Variants in WDPCP observed in about 807,000 individuals in gnomAD.
The protein encoded by WDPCP is WD repeat containing planar cell polarity effector, also known as WD repeat-containing and planar cell polarity effector protein fritz homolog.
WDPCP carries 71 observed loss-of-function variants against 93.1 expected under a neutral mutation model. The observed-to-expected ratio is 0.76, with a 90% CI of 0.63 to 0.93. WDPCP has a LOEUF of 0.93. WDPCP is among the 40% of genes least tolerant of loss of function. The pLI is 0.00. For synonymous variants in WDPCP, 315 were observed against 315.0 expected (o/e 1.00, Z 0.00); for missense variants, 844 against 887.4 (o/e 0.95, Z 0.62).
chr2:63,494,283 A>C (rs1701073761), intron 1 of WDPCP, among the ~76,000 whole-genome samples: 1 of 112,116 alleles, frequency 8.9e-6, no homozygotes, highest in South Asian at 3.4e-4. Flanking sequence ...GATGATGATG[A>C]TGATGACGAC....
chr2:63,338,569 AAT>A (rs1159039677), intron 12 of WDPCP, among the ~76,000 whole-genome samples: 578 of 14,404 alleles, frequency 0.04, 1 homozygote, highest in Non-Finnish European at 0.041. Flanking sequence ...AAAAAAAAAA[AAT>A]ATATATATAT....
intron 2 of WDPCP, among the ~76,000 whole-genome samples, chr2:63,674,037 G>T (rs1710375779): frequency 6.6e-6 from 1 of 152,104 alleles, no homozygotes. Context: ...TTTGTCTCAT[G>T]TCCCCAAAGC....
chr2:63,257,221 A>T (rs1218668231), intron 14 of WDPCP, among the ~76,000 whole-genome samples: 1 of 152,136 alleles, frequency 6.6e-6, no homozygotes, highest in Non-Finnish European at 1.5e-5. Context: ...CTCTTTTGCT[A>T]TCTCACATAA....
chr2:63,452,552 A>G (rs1698329478), intron 6 of WDPCP, among the ~76,000 whole-genome samples: 1 of 152,214 alleles, frequency 6.6e-6, no homozygotes, highest in Admixed American at 6.5e-5. Context: ...CATCCCCATC[A>G]AGCTACCATT....
intron 2 of WDPCP, among the ~76,000 whole-genome samples, chr2:63,710,122 G>A (rs767456863): frequency 1.1e-4 from 17 of 152,058 alleles, no homozygotes; most frequent in Non-Finnish European, 2.1e-4. Context: ...CTGGTCCTAG[G>A]AGGCTGCTCT....
chr2:63,691,363 A>C (rs1374325441), intron 2 of WDPCP, among the ~76,000 whole-genome samples: 1 of 152,192 alleles, frequency 6.6e-6, no homozygotes, highest in African/African-American at 2.4e-5. Context: ...GGCTGGGCGC[A>C]GTGGCTCATG....
At chr2:63,640,579 G>A (rs1709970332) in intron 3 of WDPCP, among the ~76,000 whole-genome samples, 1 of 152,190 alleles carries the variant, frequency 6.6e-6, no homozygotes. Context: ...AACAAACTTA[G>A]ATGTCCTTCA....
chr2:63,390,644 T>C (rs1291083960), intron 10 of WDPCP, among the ~76,000 whole-genome samples: 2 of 152,072 alleles, frequency 1.3e-5, no homozygotes, highest in East Asian at 1.9e-4. Context: ...ACAAAACTGA[T>C]AGACCGCTAG....
At chr2:63,789,738 A>G (rs1670519437) in intron 2 of WDPCP, among the ~76,000 whole-genome samples, 1 of 152,214 alleles carries the variant, frequency 6.6e-6, no homozygotes, top group Admixed American at 6.5e-5. Context: ...TCCAAAGAGT[A>G]TGCAAATTAG....
intron 1 of WDPCP, among the ~76,000 whole-genome samples, chr2:63,514,513 C>A (rs1702432979): frequency 6.6e-6 from 1 of 152,120 alleles, no homozygotes; most frequent in African/African-American, 2.4e-5. Context: ...ATTAGAAGTG[C>A]AACCAGGAAT....
At chr2:63,257,326 A>G (rs1379066522) in intron 14 of WDPCP, among the ~76,000 whole-genome samples, 6 of 152,172 alleles carry the variant, frequency 3.9e-5, no homozygotes, top group African/African-American at 1.4e-4. Flanking sequence ...ATTGAATTAA[A>G]TTGAGGGAAT....
At chr2:63,136,102 C>A (rs1419170445) in intron 17 of WDPCP, among the ~76,000 whole-genome samples, 1 of 152,052 alleles carries the variant, frequency 6.6e-6, no homozygotes, top group Non-Finnish European at 1.5e-5. Flanking sequence ...AAAGATGTAG[C>A]CATTGTAGTA....
chr2:63,706,821 T>C (rs181253737), intron 2 of WDPCP, among the ~76,000 whole-genome samples: 27,511 of 151,632 alleles, frequency 0.18, 2,710 homozygotes, highest in Middle Eastern at 0.27. Flanking sequence ...TTTCACCTTG[T>C]TAGCCAGGAT....
upstream of WDPCP, chr2:63,590,794 G>C (rs998129135): frequency 2.6e-5 from 4 of 152,146 alleles, no homozygotes; most frequent in African/African-American, 9.7e-5. Context: ...GCAGTTTGCT[G>C]GAACTGACAG....
chr2:63,768,300 A>ATCTTTAAG lies in WDPCP; in HGVS notation n.308+45314_308+45321dup, dbSNP rs199566023. Among the ~76,000 whole-genome samples, 612 of 148,514 alleles carry ATCTTTAAG rather than the reference A, an allele frequency of 4.1e-3. 3 individuals carry two copies. The highest frequency in any genetic ancestry group is 0.014 in the African/African-American group (573 of 40,658). The stretch of plus-strand genomic sequence containing the variant: ...ACTATTTGACTATTTTTATGCCACT[A>ATCTTTAAG]TCTTTAAGTCAGACAGTATAAGTGT... On this transcript the variant is annotated intron_variant and non_coding_transcript_variant, in intron 2 of 4. Coordinates refer to the WDPCP transcript ENST00000467687.
chr2:63,158,481 G>T (rs963864118), intron 15 of WDPCP, among the ~76,000 whole-genome samples: 3 of 151,914 alleles, frequency 2.0e-5, no homozygotes, highest in African/African-American at 4.8e-5. Flanking sequence ...TTCTTTGCTG[G>T]TGTCCCAAGT....
chr2:63,662,632 T>C lies in WDPCP; in HGVS notation n.309-11794A>G, dbSNP rs527890876. Reference sequence around the variant, plus strand: ...TGGGCTGCTGATTATCTGCCCATCATCTCTTCCAGAGAGAGAGAGAGAGAG... The same window carrying C: ...TGGGCTGCTGATTATCTGCCCATCACCTCTTCCAGAGAGAGAGAGAGAGAG... On this transcript the variant is annotated intron_variant and non_coding_transcript_variant, in intron 2 of 4. Transcript: ENST00000467687. 6.7e-5 allele frequency among the ~76,000 whole-genome samples: 7 copies of C among 104,422 alleles called. No homozygotes were observed. In the South Asian group the frequency reaches 2.6e-3, roughly 39 times the overall value. The allele number at this position is 104,422 out of a possible 152,430, so 68.5% of individuals were successfully genotyped here.
At chr2:63,157,821 C>T (rs1672361326) in intron 15 of WDPCP, among the ~76,000 whole-genome samples, 1 of 151,982 alleles carries the variant, frequency 6.6e-6, no homozygotes, top group African/African-American at 2.4e-5. Context: ...TCTTTTCAAA[C>T]AGGCTTTTGA....
chr2:63,743,044 T>C (rs1057461555), intron 2 of WDPCP, among the ~76,000 whole-genome samples: 1 of 152,046 alleles, frequency 6.6e-6, no homozygotes, highest in Non-Finnish European at 1.5e-5. Flanking sequence ...GTGGAATTGA[T>C]ATTGTTTGTA....
Sources: gnomAD v4.1 joint callset for allele counts (sites outside exome capture counted in the v4.1 genomes callset) on GRCh38, gnomAD v4.1.1 for gene constraint, MANE v1.5 for transcripts, NCBI Gene and HGNC (gene_info 2026-07-23, HGNC 2026-07-21) for gene names.